Variants in CMTR1 observed in about 807,000 individuals in gnomAD.
The protein encoded by CMTR1 is cap methyltransferase 1, also known as cap-specific mRNA (nucleoside-2'-O-)-methyltransferase 1.
CMTR1 carries 39 observed loss-of-function variants against 107.0 expected under a neutral mutation model. That is an observed-to-expected ratio of 0.36 (90% CI 0.28 to 0.48). The LOEUF is 0.48. CMTR1 is among the 20% of genes least tolerant of loss of function. The pLI is 0.99. For missense variants in CMTR1, 672 were observed against 1,064.9 expected (o/e 0.63, Z 5.14); for synonymous variants, 366 against 379.5 (o/e 0.96, Z 0.41).
At chr6:37,460,038 A>G (rs1761369040) in intron 10 of CMTR1, among the ~76,000 whole-genome samples, 1 of 152,168 alleles carries the variant, frequency 6.6e-6, no homozygotes, top group East Asian at 1.9e-4. Context: ...GTTAAAGTGA[A>G]TGTTCAAGAG....
chr6:37,437,404 G>A (rs1220426814), intron 2 of CMTR1, among the ~76,000 whole-genome samples: 1 of 150,718 alleles, frequency 6.6e-6, no homozygotes, highest in Non-Finnish European at 1.5e-5. Flanking sequence ...GCAGGCGCCT[G>A]TACTCCCAGC....
chr6:37,446,227 T>C (rs1477871070), intron 3 of CMTR1, 64 bp from the exon 4 acceptor site: 3 of 1,545,042 alleles, frequency 1.9e-6, no homozygotes, highest in Non-Finnish European at 1.8e-6. Context: ...GTTTGGCATG[T>C]GATGGGGCTA....
intron 13 of CMTR1, among the ~76,000 whole-genome samples, chr6:37,466,297 G>A (rs12194038): frequency 6.6e-6 from 1 of 151,792 alleles, no homozygotes; most frequent in African/African-American, 2.4e-5. Flanking sequence ...ATTTTTGGTA[G>A]AGATGGAGTT....
At chr6:37,425,360 G>A in the CMTR1 span, among the ~76,000 whole-genome samples, 2 of 147,094 alleles carry the variant, frequency 1.4e-5, no homozygotes, top group African/African-American at 5.1e-5. Flanking sequence ...GCAGTGGTGC[G>A]ATCTCAGTCC....
intron 5 of CMTR1, among the ~76,000 whole-genome samples, chr6:37,450,691 A>G (rs1761133121): frequency 6.6e-6 from 1 of 152,222 alleles, no homozygotes; most frequent in African/African-American, 2.4e-5. Flanking sequence ...TCAGAAAGTA[A>G]TGAGGGAATT....
intron 22 of CMTR1, 59 bp downstream of exon 22, chr6:37,478,580 G>A: frequency 7.2e-7 from 1 of 1,387,848 alleles, no homozygotes; most frequent in East Asian, 2.3e-5. Context: ...CTCGCCAGGT[G>A]ATGGGTCCAG....
At chr6:37,450,216 C>T in intron 4 of CMTR1, 35 bp from the exon 5 acceptor site, 2 of 1,559,464 alleles carry the variant, frequency 1.3e-6, no homozygotes, top group Non-Finnish European at 1.8e-6. Context: ...GAGGGTGTGT[C>T]ATATCTGTCT....
intron 8 of CMTR1, among the ~76,000 whole-genome samples, chr6:37,457,145 A>G (rs1761311458): frequency 1.3e-5 from 2 of 151,334 alleles, no homozygotes; most frequent in African/African-American, 4.9e-5. Context: ...GCCTGAGCTC[A>G]GGAGTTCAAG....
chr6:37,438,428 A>G (rs565146663), intron 2 of CMTR1, among the ~76,000 whole-genome samples: 17 of 152,268 alleles, frequency 1.1e-4, no homozygotes, highest in African/African-American at 4.1e-4. Context: ...AGTTCCTTGT[A>G]TGTGTCTGGC....
upstream of CMTR1, among the ~76,000 whole-genome samples, chr6:37,430,328 T>C (rs571722764): frequency 6.6e-6 from 1 of 152,318 alleles, no homozygotes; most frequent in African/African-American, 2.4e-5. Context: ...GAATGAAATG[T>C]GCTGTTTCCA....
At chr6:37,479,669 T>A (rs1230601859) in intron 23 of CMTR1, among the ~76,000 whole-genome samples, 1 of 152,236 alleles carries the variant, frequency 6.6e-6, no homozygotes, top group Admixed American at 6.5e-5. Flanking sequence ...AGACTGTTGG[T>A]CATAGGCTTC....
chr6:37,475,390 C>T lies in CMTR1; in HGVS notation c.2014C>T (p.Arg672Trp), dbSNP rs764978520. Residue 672 changes from arginine to tryptophan, a missense_variant, in exon 19 of 24, where the codon CGG (arginine) becomes TGG (tryptophan). Physicochemically the swap from Arg to Trp is moderately radical, Grantham distance 101. Coordinates refer to ENST00000373451, the MANE Select transcript of CMTR1 (RefSeq NM_015050.3). ...CCTTGTGCTGAATGGCACCGACGTT[C>T]GGGAGCAGCACTTTAACCAGCGGTC... The part of the protein sequence containing the change: ...DVLVLNGTDV[R>W]EQHFNQRIQL... 5.6e-6 allele frequency: 8 copies of T among 1,438,764 alleles called. No individual in the cohort carries two copies. The highest frequency in any genetic ancestry group is 1.8e-5 in the Admixed American group (1 of 54,576). 89.1% of individuals were successfully genotyped at this position (1,438,764 alleles called of 1,614,324 possible). A position where few individuals can be genotyped will look rare whatever the true frequency, so the allele number is the denominator to read the frequency against.
intron 20 of CMTR1, 98 bp downstream of exon 20, chr6:37,476,292 A>G: frequency 1.6e-6 from 2 of 1,269,068 alleles, no homozygotes; most frequent in South Asian, 1.2e-5. Context: ...GGCACTAGGC[A>G]AGTGGGTGTT....
rs1232740827 is a variant in CMTR1, at chr6:37,473,374, G to T, written c.1690-96G>T. 3 of 1,363,400 alleles carry T rather than the reference G, an allele frequency of 2.2e-6. No homozygotes were observed. In the East Asian group the frequency reaches 7.0e-5, roughly 32 times the overall value. 84.5% of individuals were successfully genotyped at this position (1,363,400 alleles called of 1,614,324 possible). ...ATATTTCAGAGAGCCAATGCTTCCTGTCCCTTGCCTTGTCGAGCCTGCCCC... is the reference window on the plus strand; with the variant it reads ...ATATTTCAGAGAGCCAATGCTTCCTTTCCCTTGCCTTGTCGAGCCTGCCCC... On this transcript the variant is annotated intron_variant, in intron 16 of 23. Coordinates refer to ENST00000373451, the MANE Select transcript of CMTR1 (RefSeq NM_015050.3).
At chr6:37,429,751 A>C (rs1362662985), upstream of CMTR1, among the ~76,000 whole-genome samples, 5 of 152,220 alleles carry the variant, frequency 3.3e-5, no homozygotes, top group African/African-American at 1.2e-4. Context: ...CAGCCTGGCC[A>C]ATATGGTAAA....
At chr6:37,452,115 T>C (rs1436401360) in intron 6 of CMTR1, among the ~76,000 whole-genome samples, 1 of 152,186 alleles carries the variant, frequency 6.6e-6, no homozygotes, top group Non-Finnish European at 1.5e-5. Context: ...CTAATCTCAG[T>C]GGGTCTGTTC....
chr6:37,463,479 C>T (rs1450676511), intron 13 of CMTR1, among the ~76,000 whole-genome samples: 2 of 152,056 alleles, frequency 1.3e-5, no homozygotes, highest in Non-Finnish European at 2.9e-5. Flanking sequence ...GATCCAAATG[C>T]TGTTTTCTGT....
At chr6:37,428,692 A>G (rs184606597), upstream of CMTR1, among the ~76,000 whole-genome samples, 25 of 152,294 alleles carry the variant, frequency 1.6e-4, no homozygotes, top group African/African-American at 6.0e-4. Flanking sequence ...TCCCAACCTC[A>G]GGTAATCCAC....
At chr6:37,442,863 A>G (rs1430009056) in intron 2 of CMTR1, among the ~76,000 whole-genome samples, 5 of 152,244 alleles carry the variant, frequency 3.3e-5, no homozygotes, top group South Asian at 2.1e-4. Context: ...ACTTTCCTTC[A>G]GTACTTCTCA....
Sources: gnomAD v4.1 joint callset for allele counts (sites outside exome capture counted in the v4.1 genomes callset) on GRCh38, gnomAD v4.1.1 for gene constraint, MANE v1.5 for transcripts, NCBI Gene and HGNC (gene_info 2026-07-23, HGNC 2026-07-21) for gene names.